Variants in DOCK3 observed in about 807,000 individuals in gnomAD.
DOCK3 encodes dedicator of cytokinesis 3.
A neutral mutation model predicts 265.6 loss-of-function variants in DOCK3; 60 were observed. The observed-to-expected ratio is 0.23, with a 90% confidence interval of 0.18 to 0.28. DOCK3 has a LOEUF of 0.28. Ranked by LOEUF, DOCK3 falls within the 10% of genes least tolerant of loss-of-function variation. The probability of loss-of-function intolerance (pLI) is 1.00; values close to 1 mark genes in which losing one functional copy is unlikely to be tolerated. For missense variants in DOCK3, 1,981 were observed against 2,594.3 expected (o/e 0.76, Z 5.14); for synonymous variants, 881 against 938.0 (o/e 0.94, Z 1.11).
chr3:51,266,450 A>G (rs543241654), intron 23 of DOCK3, among the ~76,000 whole-genome samples: 452 of 152,360 alleles, frequency 3.0e-3, no homozygotes, highest in Non-Finnish European at 4.5e-3. Flanking sequence ...TACAGTAACC[A>G]AAACAGTATG....
At chr3:50,678,466 ACAGGAGCAACAG>A (rs2034146385) in intron 1 of DOCK3, among the ~76,000 whole-genome samples, 1 of 152,208 alleles carries the variant, frequency 6.6e-6, no homozygotes, top group Non-Finnish European at 1.5e-5. Context: ...TCACCCTCTA[ACAGGAGCAACAG>A]CAGGAGCAGC....
chr3:50,945,746 C>T (rs1377227222), intron 5 of DOCK3, among the ~76,000 whole-genome samples: 2 of 152,038 alleles, frequency 1.3e-5, no homozygotes, highest in Non-Finnish European at 2.9e-5. Flanking sequence ...TTTATATATT[C>T]AGATTATGTA....
Position 51,020,963 on chromosome 3 carries a change from G to C in DOCK3, c.316-43485G>C, listed in dbSNP as rs188322318. Among the ~76,000 whole-genome samples the C allele has an allele frequency of 7.3e-3, 1,107 of 151,872 alleles. 32 individuals are homozygous for C. Among genetic ancestry groups the C allele is most frequent in the African/African-American group, 0.025 (1,043 of 41,230 alleles). Reference sequence around the variant, plus strand: ...TCTTGGCTATTTGAGCTCTTTTTTGGTTCCATAGGAATTTTAAAATAATTT... The same window carrying C: ...TCTTGGCTATTTGAGCTCTTTTTTGCTTCCATAGGAATTTTAAAATAATTT... On this transcript the variant is annotated intron_variant, in intron 5 of 52. Transcript: ENST00000266037.
intron 27 of DOCK3, among the ~76,000 whole-genome samples, chr3:51,303,494 T>C (rs1560392774): frequency 6.6e-6 from 1 of 152,220 alleles, no homozygotes. Flanking sequence ...AGAGACATTC[T>C]GCCTTTTTGA....
intron 7 of DOCK3, among the ~76,000 whole-genome samples, 183 bp from the exon 8 acceptor site, chr3:51,089,060 G>A (rs377628604): frequency 6.6e-6 from 1 of 152,124 alleles, no homozygotes; most frequent in African/African-American, 2.4e-5. Flanking sequence ...AGCAAATTAC[G>A]TCCATACTCT....
intron 1 of DOCK3, among the ~76,000 whole-genome samples, chr3:50,724,964 A>G (rs1208038820): frequency 7.3e-5 from 11 of 150,272 alleles, no homozygotes; most frequent in African/African-American, 2.7e-4. Context: ...CTGCACTCCA[A>G]CCTGGGCAGC....
In DOCK3 at chr3:51,229,494, T is replaced by C; in HGVS notation, c.1820-18T>C. 6.4e-7 allele frequency: 1 copy of C among 1,555,836 alleles called. No homozygotes were observed. The highest frequency in any genetic ancestry group is 1.2e-5 in the South Asian group (1 of 80,660). ...TCCAGGTTTCAAGGGTTCCTCATCT[T>C]TTGGGCTTGCTTTCTAGTGGACCTC... On this transcript the variant is annotated intron_variant, in intron 18 of 52. Coordinates refer to ENST00000266037, the MANE Select transcript of DOCK3 (RefSeq NM_004947.5).
At chr3:51,212,290 A>G (rs2089550989) in intron 13 of DOCK3, among the ~76,000 whole-genome samples, 2 of 152,326 alleles carry the variant, frequency 1.3e-5, no homozygotes, top group African/African-American at 2.4e-5. Flanking sequence ...CTGTGACACT[A>G]TCAGCACCTT....
chr3:50,719,458 A>C, intron 1 of DOCK3: 1 of 709,046 alleles, frequency 1.4e-6, no homozygotes, highest in Non-Finnish European at 2.4e-6. Flanking sequence ...TCTGATGGTT[A>C]AGATAAAGCA....
intron 35 of DOCK3, among the ~76,000 whole-genome samples, chr3:51,337,110 G>C (rs1167125208): frequency 6.6e-6 from 1 of 152,194 alleles, no homozygotes; most frequent in Non-Finnish European, 1.5e-5. Context: ...TATCTTACGT[G>C]GTGAATGTGC....
chr3:50,805,152 G>A (rs1576488155), intron 2 of DOCK3, among the ~76,000 whole-genome samples: 1 of 152,118 alleles, frequency 6.6e-6, no homozygotes, highest in African/African-American at 2.4e-5. Flanking sequence ...CAATTTTATG[G>A]TGTAGGTTTC....
intron 49 of DOCK3, among the ~76,000 whole-genome samples, chr3:51,370,060 G>A (rs1352478793): frequency 6.6e-6 from 1 of 152,132 alleles, no homozygotes; most frequent in African/African-American, 2.4e-5. Context: ...GCATGCTGAA[G>A]ATTTGTCAGT....
At chr3:50,904,829 C>T (rs1189705197) in intron 4 of DOCK3, among the ~76,000 whole-genome samples, 3 of 151,422 alleles carry the variant, frequency 2.0e-5, no homozygotes, top group Admixed American at 2.0e-4. Flanking sequence ...TTTTGGAAGT[C>T]CTTGCACATG....
chr3:50,806,798 T>C (rs1254285275), intron 2 of DOCK3, among the ~76,000 whole-genome samples: 1 of 152,022 alleles, frequency 6.6e-6, no homozygotes, highest in African/African-American at 2.4e-5. Context: ...GTGGCTCTAG[T>C]CTCAAGATGG....
chr3:50,921,974 G>T (rs1284816577), intron 4 of DOCK3, among the ~76,000 whole-genome samples: 1 of 152,128 alleles, frequency 6.6e-6, no homozygotes, highest in African/African-American at 2.4e-5. Context: ...TTACTGGGAG[G>T]TATCTCCCAG....
At chr3:50,710,663 A>C (rs768958225) in intron 1 of DOCK3, among the ~76,000 whole-genome samples, 3 of 152,214 alleles carry the variant, frequency 2.0e-5, no homozygotes, top group Non-Finnish European at 4.4e-5. Flanking sequence ...CACCCAAAGG[A>C]AGTAAGTCAT....
At chr3:51,333,467 C>A (rs1045208814) in intron 35 of DOCK3, among the ~76,000 whole-genome samples, 1 of 152,158 alleles carries the variant, frequency 6.6e-6, no homozygotes, top group Non-Finnish European at 1.5e-5. Context: ...GGATTCCCCA[C>A]TAAAATGTGG....
chr3:51,116,472 A>AAAG lies in DOCK3; in HGVS notation c.746+26088_746+26089insAAG, dbSNP rs1553763620. Among the ~76,000 whole-genome samples, 1,397 of 144,852 alleles carry AAAG rather than the reference A, an allele frequency of 9.6e-3. 37 individuals carry two copies. Among genetic ancestry groups the AAAG allele is most frequent in the African/African-American group, 0.037 (1,338 of 36,046 alleles). ...TCTCAAAAAAAAAAAAAAAAAAAAAAGGGTAGTTTTTTTCTAATTCTGTGA... is the reference window on the plus strand; with the variant it reads ...TCTCAAAAAAAAAAAAAAAAAAAAAAAAGGGGTAGTTTTTTTCTAATTCTGTGA... On this transcript the variant is annotated intron_variant, in intron 9 of 52. Transcript: ENST00000266037.
chr3:51,317,317 A>G (rs2083422995), intron 32 of DOCK3, among the ~76,000 whole-genome samples: 1 of 151,538 alleles, frequency 6.6e-6, no homozygotes, highest in Admixed American at 6.6e-5. Flanking sequence ...GCTTAAAAAA[A>G]AGAAAAAGAA....
Sources: allele counts gnomAD v4.1 joint callset (sites outside exome capture counted in the v4.1 genomes callset), GRCh38; gene constraint gnomAD v4.1.1; transcripts MANE v1.5; gene names NCBI Gene and HGNC (gene_info 2026-07-23, HGNC 2026-07-21).